The following IQSEC1 variants were observed in gnomAD, a reference collection of about 807,000 sequenced individuals.
IQSEC1 encodes the protein IQ motif and SEC7 domain-containing protein 1.
In IQSEC1, 31 loss-of-function variants were observed where a neutral mutation model predicts 91.0. That is an observed-to-expected ratio of 0.34 (90% CI 0.26 to 0.46). The LOEUF (loss-of-function observed/expected upper bound fraction) is 0.46, where lower values mean the gene tolerates loss of function less well. Among genes scored for constraint, IQSEC1 ranks in the 20% least tolerant of loss-of-function variants. IQSEC1 has a pLI of 1.00. For missense variants in IQSEC1, 1,388 were observed against 1,575.6 expected (o/e 0.88, Z 2.02); for synonymous variants, 699 against 662.6 (o/e 1.05, Z -0.84).
intron 1 of IQSEC1, among the ~76,000 whole-genome samples, chr3:12,969,845 T>C (rs1200883553): frequency 6.6e-6 from 1 of 152,268 alleles, no homozygotes; most frequent in Non-Finnish European, 1.5e-5. Context: ...ATGGACACTC[T>C]GGAAACCAAA....
intron 1 of IQSEC1, among the ~76,000 whole-genome samples, chr3:13,052,360 C>T (rs1704721709): frequency 6.6e-6 from 1 of 152,264 alleles, no homozygotes; most frequent in Non-Finnish European, 1.5e-5. Context: ...CATTCAGCCA[C>T]TCTTCGGCGT....
intron 12 of IQSEC1, among the ~76,000 whole-genome samples, chr3:12,903,733 G>A (rs1052435490): frequency 6.6e-6 from 1 of 152,138 alleles, no homozygotes; most frequent in Non-Finnish European, 1.5e-5. Context: ...GGAGCATGAC[G>A]GGCCCAGCTC....
chr3:13,279,236 T>C (rs1167440095), intron 1 of IQSEC1, among the ~76,000 whole-genome samples: 1 of 152,198 alleles, frequency 6.6e-6, no homozygotes, highest in African/African-American at 2.4e-5. Flanking sequence ...GAGTGCCTAT[T>C]ATGCGTCTGA....
intron 1 of IQSEC1, among the ~76,000 whole-genome samples, chr3:13,037,051 G>A (rs1187167348): frequency 6.6e-6 from 1 of 152,158 alleles, no homozygotes; most frequent in Non-Finnish European, 1.5e-5. Flanking sequence ...CAGGATGCCT[G>A]GGGCTGCGTC....
At chr3:13,032,233 G>A (rs1703868637) in intron 1 of IQSEC1, among the ~76,000 whole-genome samples, 1 of 152,186 alleles carries the variant, frequency 6.6e-6, no homozygotes, top group South Asian at 2.1e-4. Context: ...TCAAAATGAG[G>A]GCACTGACAC....
At chr3:13,020,005 G>T (rs564766456) in intron 1 of IQSEC1, among the ~76,000 whole-genome samples, 62 of 152,346 alleles carry the variant, frequency 4.1e-4, no homozygotes, top group African/African-American at 1.4e-3. Context: ...AGCCAAGAGG[G>T]AGCGAGCGAA....
chr3:13,016,508 T>C (rs1576169910), intron 1 of IQSEC1, among the ~76,000 whole-genome samples: 1 of 152,306 alleles, frequency 6.6e-6, no homozygotes, highest in South Asian at 2.1e-4. Context: ...CCCAGTCAAC[T>C]TTCAAGCCCT....
At chr3:12,955,422 C>A in intron 1 of IQSEC1, among the ~76,000 whole-genome samples, 1 of 152,320 alleles carries the variant, frequency 6.6e-6, no homozygotes, top group Non-Finnish European at 1.5e-5. Flanking sequence ...TCACTTGGGC[C>A]GAGAGCCAGC....
chr3:13,145,804 C>CAGG (rs1346070836), intron 2 of IQSEC1, among the ~76,000 whole-genome samples: 1 of 53,070 alleles, frequency 1.9e-5, no homozygotes, highest in Non-Finnish European at 3.7e-5. Flanking sequence ...CGCCCGGGGG[C>CAGG]GGGGGGGGGG....
chr3:13,253,974 C>T (rs1253094077), intron 1 of IQSEC1, among the ~76,000 whole-genome samples: 2 of 152,178 alleles, frequency 1.3e-5, no homozygotes, highest in Non-Finnish European at 2.9e-5. Flanking sequence ...GACTGGGGCC[C>T]CAGCTTCTGA....
At chr3:13,024,409 C>CCAT (rs1703530131) in intron 1 of IQSEC1, among the ~76,000 whole-genome samples, 1 of 150,862 alleles carries the variant, frequency 6.6e-6, no homozygotes, top group Non-Finnish European at 1.5e-5. Flanking sequence ...ATCCATCCAT[C>CCAT]CATCCATCCA....
intron 6 of IQSEC1, 147 bp from the exon 7 acceptor site, chr3:12,915,880 T>C: frequency 1.1e-6 from 1 of 924,756 alleles, no homozygotes; most frequent in Non-Finnish European, 1.6e-6. Flanking sequence ...CAGGACATTT[T>C]CAGTCAACAC....
At chr3:13,174,665 A>G (rs1281471925) in intron 1 of IQSEC1, among the ~76,000 whole-genome samples, 1 of 152,082 alleles carries the variant, frequency 6.6e-6, no homozygotes, top group Non-Finnish European at 1.5e-5. Flanking sequence ...CTCTAACAGT[A>G]GCAGGTGTGT....
intron 1 of IQSEC1, among the ~76,000 whole-genome samples, chr3:13,220,146 T>G (rs1381443217): frequency 6.6e-6 from 1 of 152,230 alleles, no homozygotes; most frequent in Non-Finnish European, 1.5e-5. Context: ...TTGGCACGGG[T>G]TAGCATTGCA....
chr3:12,901,504 G>C lies in IQSEC1; in HGVS notation c.2824C>G (p.Pro942Ala), dbSNP rs1394871094. ...GATGTAGCTCTCCGGCGCATGTGAGGACTGCTAATGATGGACCCCTAAAAA... is the reference window on the plus strand; with the variant it reads ...GATGTAGCTCTCCGGCGCATGTGAGCACTGCTAATGATGGACCCCTAAAAA... ...SNVEGSIISS[P>A]HMRRRATSTR... Residue 942 changes from proline to alanine, a missense_variant, in exon 14 of 14, where the codon CCT becomes GCT. Transcript: ENST00000613206. 4 of 1,549,790 alleles carry C rather than the reference G, an allele frequency of 2.6e-6. No homozygotes were observed. In the Admixed American group the frequency reaches 7.8e-5, roughly 30 times the overall value.
chr3:13,067,780 G>A (rs1230275818), intron 1 of IQSEC1, among the ~76,000 whole-genome samples: 1 of 152,264 alleles, frequency 6.6e-6, no homozygotes, highest in East Asian at 1.9e-4. Flanking sequence ...AAAACAGGAT[G>A]GCACACAACC....
chr3:13,057,491 A>C (rs1317267382), intron 1 of IQSEC1, among the ~76,000 whole-genome samples: 1 of 152,218 alleles, frequency 6.6e-6, no homozygotes, highest in Admixed American at 6.5e-5. Flanking sequence ...CCTTAGCACC[A>C]TACACATGCA....
intron 1 of IQSEC1, among the ~76,000 whole-genome samples, chr3:13,236,816 T>C (rs1694937336): frequency 6.6e-6 from 1 of 152,222 alleles, no homozygotes; most frequent in South Asian, 2.1e-4. Context: ...ACTTGAGGCC[T>C]CTGGTCACCC....
intron 1 of IQSEC1, among the ~76,000 whole-genome samples, chr3:13,010,086 C>T (rs1457261610): frequency 6.6e-6 from 1 of 152,252 alleles, no homozygotes; most frequent in African/African-American, 2.4e-5. Context: ...TCATAACAAA[C>T]TCTACCTCAC....
Sources: allele counts gnomAD v4.1 joint callset (sites outside exome capture counted in the v4.1 genomes callset), GRCh38; gene constraint gnomAD v4.1.1; transcripts MANE v1.5; gene names NCBI Gene and HGNC (gene_info 2026-07-23, HGNC 2026-07-21).